The following VWF variants were observed in gnomAD, a reference collection of about 807,000 sequenced individuals.
VWF encodes von Willebrand factor, also known as Factor VIII related antigen.
A neutral mutation model predicts 308.6 loss-of-function variants in VWF; 176 were observed. The observed-to-expected ratio is 0.57, with a 90% CI of 0.50 to 0.65. VWF has a LOEUF of 0.65. Ranked by LOEUF, VWF falls within the 30% of genes least tolerant of loss-of-function variation. VWF has a pLI of 0.00. For synonymous variants in VWF, 1,385 were observed against 1,443.4 expected, an observed-to-expected ratio of 0.96 and a Z score of 0.92; for missense variants, 3,146 against 3,648.2, an observed-to-expected ratio of 0.86 and a Z score of 3.55.
intron 40 of VWF, among the ~76,000 whole-genome samples, chr12:5,984,377 G>T (rs1260013715): frequency 6.6e-6 from 1 of 152,200 alleles, no homozygotes. Context: ...AATTTCATGA[G>T]TACAAATAAG....
chr12:6,088,639 G>T (rs1375121256), intron 6 of VWF, among the ~76,000 whole-genome samples: 1 of 152,144 alleles, frequency 6.6e-6, no homozygotes, highest in Admixed American at 6.5e-5. Context: ...CCTTTGTAAG[G>T]TTCAGTCCTT....
chr12:5,987,855 G>A (rs966108550), intron 38 of VWF, among the ~76,000 whole-genome samples: 20 of 152,208 alleles, frequency 1.3e-4, no homozygotes, highest in Non-Finnish European at 2.5e-4. Flanking sequence ...ATATTTAAAA[G>A]GGCATAAGCT....
At position 6,020,157 on chromosome 12, in the gene VWF, G is replaced by A. The variant is rs1408978685; in HGVS notation, c.3675-414C>T. Among the ~76,000 whole-genome samples the A allele has an allele frequency of 3.3e-5, 5 of 152,334 alleles. No individual in the cohort carries two copies. The South Asian group carries it at 6.2e-4, about 19-fold the overall frequency. ...GAACAAATGTTACTAAAATGTAGAC[G>A]CTAACCTGTGTTTGTACATGTTCTG... On this transcript the variant is annotated intron_variant, in intron 27 of 51. Transcript: ENST00000261405. This position sits in a 1 kb window ranked among gnomAD's most constrained non-coding sequence, Gnocchi z 4.3.
chr12:6,040,521 C>T (rs900495485), intron 18 of VWF, among the ~76,000 whole-genome samples: 14 of 152,196 alleles, frequency 9.2e-5, no homozygotes, highest in Non-Finnish European at 1.9e-4. Context: ...CTCCAGTCTT[C>T]CCAACAGCCT....
At chr12:6,118,367 C>CTCTGG (rs1452831771) in intron 3 of VWF, among the ~76,000 whole-genome samples, 1 of 148,588 alleles carries the variant, frequency 6.7e-6, no homozygotes, top group East Asian at 2.0e-4. Flanking sequence ...CAAAATCTTC[C>CTCTGG]TCTGGTCACT....
chr12:6,085,910 T>A (rs1006659097), intron 6 of VWF, among the ~76,000 whole-genome samples: 17 of 151,906 alleles, frequency 1.1e-4, no homozygotes, highest in South Asian at 4.2e-4. Flanking sequence ...TAAAAAAAAA[T>A]TTTTAAAGGC....
At chr12:5,959,068 A>C (rs1008734263) in intron 47 of VWF, among the ~76,000 whole-genome samples, 1 of 151,966 alleles carries the variant, frequency 6.6e-6, no homozygotes, top group Admixed American at 6.6e-5. Flanking sequence ...TTAGTTGGAC[A>C]TGGTGGCACA....
chr12:5,961,590 A>C (rs1476226586), intron 47 of VWF, among the ~76,000 whole-genome samples: 1 of 20,342 alleles, frequency 4.9e-5, no homozygotes, highest in Non-Finnish European at 1.0e-4. Context: ...CTGCCCCCTC[A>C]AAAAAAAAAA....
chr12:6,071,588 A>T (rs1209214890), intron 9 of VWF, among the ~76,000 whole-genome samples: 3 of 152,212 alleles, frequency 2.0e-5, no homozygotes, highest in Admixed American at 1.3e-4. Flanking sequence ...AAAGAAAAAA[A>T]AACTACCTGA....
At chr12:6,091,668 T>C (rs1158086160) in intron 6 of VWF, among the ~76,000 whole-genome samples, 1 of 152,152 alleles carries the variant, frequency 6.6e-6, no homozygotes, top group Non-Finnish European at 1.5e-5. Flanking sequence ...CTCAGCCTCC[T>C]GAGCAGCTGG....
chr12:6,042,043 T>C (rs1944402084), intron 18 of VWF, among the ~76,000 whole-genome samples: 2 of 152,158 alleles, frequency 1.3e-5, no homozygotes, highest in Admixed American at 6.5e-5. Context: ...CCCACAGCCA[T>C]GCATCATGGA....
In VWF at chr12:6,076,944, C is replaced by CA. The variant is rs373706729; in HGVS notation, c.658-1394dup. On this transcript the variant is annotated intron_variant, in intron 6 of 51. Coordinates refer to ENST00000261405, the MANE Select transcript of VWF (RefSeq NM_000552.5). ...ACAGGGACGTTGGTCCTAAGGAAAT[C>CA]AGTGTTCTAGCCCCAATGCCTGGTG... Among the ~76,000 whole-genome samples the CA allele has an allele frequency of 1.7e-3, 263 of 152,324 alleles. 2 individuals are homozygous for CA. Among genetic ancestry groups the CA allele is most frequent in the African/African-American group, 5.8e-3 (240 of 41,588 alleles).
intron 9 of VWF, among the ~76,000 whole-genome samples, chr12:6,071,574 GAAGA>G (rs1944782737): frequency 6.6e-6 from 1 of 151,864 alleles, no homozygotes; most frequent in South Asian, 2.1e-4. Context: ...CAGAGAAAAA[GAAGA>G]AAGAAAAAAA....
chr12:6,071,947 C>T (rs1037981075), intron 9 of VWF, among the ~76,000 whole-genome samples: 2 of 152,152 alleles, frequency 1.3e-5, no homozygotes, highest in Non-Finnish European at 2.9e-5. Flanking sequence ...CTGGCCACTG[C>T]AACTTCCTAC....
chr12:6,073,671 C>A lies in VWF; in HGVS notation c.945G>T (p.Leu315=), dbSNP rs1484183979. The A allele has an allele frequency of 5.0e-6, 8 of 1,614,090 alleles. No homozygotes were observed. Among genetic ancestry groups the A allele is most frequent in the Non-Finnish European group, 6.8e-6 (8 of 1,180,004 alleles). Residue 315 remains leucine, a synonymous_variant, in exon 8 of 52, where the codon CTG becomes CTT. Transcript: ENST00000261405. ...GCTCCTGACACATTTCATTGATGTGCAGGCTCTGGCAGGTCCTGGCGCAAG... is the reference window on the plus strand; with the variant it reads ...GCTCCTGACACATTTCATTGATGTGAAGGCTCTGGCAGGTCCTGGCGCAAG... ...VSPCARTCQS[L]HINEMCQERC...
intron 18 of VWF, among the ~76,000 whole-genome samples, chr12:6,039,048 G>A (rs149226584): frequency 1.6e-4 from 24 of 152,274 alleles, no homozygotes; most frequent in Admixed American, 1.1e-3. Context: ...GCAGAGAGGC[G>A]GGGCAGGCCA....
intron 40 of VWF, among the ~76,000 whole-genome samples, chr12:5,983,543 G>GATAGATA (rs1161712163): frequency 4.2e-5 from 6 of 141,206 alleles, no homozygotes; most frequent in East Asian, 2.0e-4. Flanking sequence ...ATAGATAGAT[G>GATAGATA]GATGATAGAT....
In VWF at chr12:6,075,189, C is replaced by T. The variant is rs547353171; in HGVS notation, c.874+146G>A. On this transcript the variant is annotated intron_variant, in intron 7 of 51. Coordinates refer to ENST00000261405, the MANE Select transcript of VWF (RefSeq NM_000552.5). This position sits in a 1 kb window ranked among gnomAD's most constrained non-coding sequence, Gnocchi z 4.7. ...GCAGGAGCCATTCAGGAAATGGGTCCGGGACACGTGGCTTTGTAGTCACTG... is the reference window on the plus strand; with the variant it reads ...GCAGGAGCCATTCAGGAAATGGGTCTGGGACACGTGGCTTTGTAGTCACTG... 3.7e-4 allele frequency: 385 copies of T among 1,027,522 alleles called. No homozygotes were observed. Among genetic ancestry groups the T allele is most frequent in the African/African-American group, 2.5e-3 (163 of 64,106 alleles). 63.7% of individuals were successfully genotyped at this position (1,027,522 alleles called of 1,614,324 possible).
intron 34 of VWF, among the ~76,000 whole-genome samples, chr12:6,003,253 A>G (rs1943891387): frequency 6.6e-6 from 1 of 152,236 alleles, no homozygotes; most frequent in South Asian, 2.1e-4. Flanking sequence ...AGGCTAATGC[A>G]TTAAAATTTA....
Sources: gnomAD v4.1 joint callset for allele counts (sites outside exome capture counted in the v4.1 genomes callset) on GRCh38, gnomAD v4.1.1 for gene constraint, Gnocchi (gnomAD v3.1) non-coding constraint, MANE v1.5 for transcripts, NCBI Gene and HGNC (gene_info 2026-07-23, HGNC 2026-07-21) for gene names.